Variants in SYNDIG1 observed in about 807,000 individuals in gnomAD.
SYNDIG1 encodes synapse differentiation-inducing gene protein 1.
In SYNDIG1, 9 loss-of-function variants were observed where a neutral mutation model predicts 19.4. The ratio of observed to expected loss-of-function variants is 0.46; its 90% CI spans 0.28 to 0.81. The LOEUF (loss-of-function observed/expected upper bound fraction) is 0.81, where lower values mean the gene tolerates loss of function less well. Ranked by LOEUF, SYNDIG1 falls within the 30% of genes least tolerant of loss-of-function variation. The pLI is 0.12. For synonymous variants in SYNDIG1, 141 were observed against 145.9 expected, an observed-to-expected ratio of 0.97 and a Z score of 0.24; for missense variants, 311 against 343.3, an observed-to-expected ratio of 0.91 and a Z score of 0.74.
In SYNDIG1 at chr20:24,665,529, A is replaced by G; in HGVS notation, c.*25A>G. ...AGCTTCCTGCGAATGGAGGGGGAGC[A>G]CCCGGGGCCAGGTCTGTGTGGACGT... On this transcript the variant is annotated 3_prime_UTR_variant, in exon 4 of 4. Transcript: ENST00000376862. The G allele has an allele frequency of 6.2e-7, 1 of 1,613,680 alleles. No homozygotes were observed. The highest frequency in any genetic ancestry group is 8.5e-7 in the Non-Finnish European group (1 of 1,179,920).
intron 3 of SYNDIG1, among the ~76,000 whole-genome samples, chr20:24,611,948 C>T (rs994716100): frequency 6.6e-6 from 1 of 152,230 alleles, no homozygotes; most frequent in Non-Finnish European, 1.5e-5. Context: ...CCTGTAATTG[C>T]ATGTCTTAAT....
intron 2 of SYNDIG1, among the ~76,000 whole-genome samples, chr20:24,546,284 A>T (rs1325334603): frequency 6.6e-6 from 1 of 152,222 alleles, no homozygotes; most frequent in Non-Finnish European, 1.5e-5. Flanking sequence ...TGTTTTCTCC[A>T]TTCCATTAAA....
intron 1 of SYNDIG1, among the ~76,000 whole-genome samples, chr20:24,479,700 A>C (rs910736566): frequency 5.9e-5 from 9 of 152,006 alleles, no homozygotes; most frequent in Non-Finnish European, 1.2e-4. Flanking sequence ...TCATCTCAGT[A>C]CCGTCCTGCA....
At chr20:24,478,235 A>T (rs1389950341) in intron 1 of SYNDIG1, among the ~76,000 whole-genome samples, 1 of 152,250 alleles carries the variant, frequency 6.6e-6, no homozygotes, top group Non-Finnish European at 1.5e-5. Context: ...ACCAGCTTCA[A>T]CCATTGGTGC....
At chr20:24,570,267 G>A (rs1377884331) in intron 2 of SYNDIG1, among the ~76,000 whole-genome samples, 2 of 152,048 alleles carry the variant, frequency 1.3e-5, no homozygotes, top group Admixed American at 1.3e-4. Context: ...TATGACATCA[G>A]AAAAACAATC....
intron 2 of SYNDIG1, among the ~76,000 whole-genome samples, chr20:24,555,464 A>C: frequency 6.6e-6 from 1 of 151,664 alleles, no homozygotes; most frequent in South Asian, 2.1e-4. Context: ...TTCCCTCTAC[A>C]CAGTGCTTTG....
chr20:24,507,334 G>A (rs1354825761), intron 1 of SYNDIG1, among the ~76,000 whole-genome samples: 1 of 152,248 alleles, frequency 6.6e-6, no homozygotes, highest in African/African-American at 2.4e-5. Flanking sequence ...CCGGGCACCA[G>A]GAATGCCTGA....
intron 1 of SYNDIG1, among the ~76,000 whole-genome samples, chr20:24,470,534 C>T (rs1362719794): frequency 1.3e-5 from 2 of 152,170 alleles, no homozygotes; most frequent in African/African-American, 2.4e-5. Context: ...ATTTGAATCT[C>T]GCTTTTTCCT....
At chr20:24,501,861 C>T (rs1380801519) in intron 1 of SYNDIG1, among the ~76,000 whole-genome samples, 1 of 152,186 alleles carries the variant, frequency 6.6e-6, no homozygotes, top group Non-Finnish European at 1.5e-5. Flanking sequence ...ACCCACTGGG[C>T]ACTCACCTCT....
intron 1 of SYNDIG1, among the ~76,000 whole-genome samples, chr20:24,478,935 C>T (rs1388500718): frequency 6.6e-6 from 1 of 152,230 alleles, no homozygotes; most frequent in Non-Finnish European, 1.5e-5. Flanking sequence ...GACTGTCAGA[C>T]CTCGTGGGCA....
chr20:24,576,552 C>T (rs1600665719), intron 2 of SYNDIG1, among the ~76,000 whole-genome samples: 2 of 152,304 alleles, frequency 1.3e-5, no homozygotes, highest in African/African-American at 4.8e-5. Context: ...GCTCTGAGAT[C>T]TGCTTTGCCC....
intron 1 of SYNDIG1, among the ~76,000 whole-genome samples, chr20:24,505,241 T>C (rs1412068383): frequency 2.6e-5 from 4 of 152,098 alleles, no homozygotes; most frequent in African/African-American, 9.6e-5. Flanking sequence ...TGAGAAGTCA[T>C]TGGGAAGCAG....
chr20:24,650,935 A>T (rs2059466293), intron 3 of SYNDIG1, among the ~76,000 whole-genome samples: 1 of 152,102 alleles, frequency 6.6e-6, no homozygotes, highest in Non-Finnish European at 1.5e-5. Context: ...TCCAGGGCTC[A>T]AGCAATTCTC....
At chr20:24,576,677 AC>A (rs1490215272) in intron 2 of SYNDIG1, among the ~76,000 whole-genome samples, 1 of 151,554 alleles carries the variant, frequency 6.6e-6, no homozygotes, top group Non-Finnish European at 1.5e-5. Flanking sequence ...AGTAATGACC[AC>A]CCCCGTCCCT....
chr20:24,517,241 G>A (rs576941628), intron 1 of SYNDIG1, among the ~76,000 whole-genome samples: 1 of 151,714 alleles, frequency 6.6e-6, no homozygotes, highest in East Asian at 1.9e-4. Flanking sequence ...CATGGCACAT[G>A]TGTACATATG....
At chr20:24,526,291 A>T (rs2057122297) in intron 1 of SYNDIG1, among the ~76,000 whole-genome samples, 1 of 151,090 alleles carries the variant, frequency 6.6e-6, no homozygotes. Flanking sequence ...TTTATGTTTC[A>T]TTTTTTTCTT....
chr20:24,573,145 G>C (rs1372911023), intron 2 of SYNDIG1, among the ~76,000 whole-genome samples: 2 of 152,196 alleles, frequency 1.3e-5, no homozygotes, highest in African/African-American at 4.8e-5. Context: ...TGGCGCAAGT[G>C]AGAATTACCA....
At chr20:24,580,502 C>T (rs1030403103) in intron 2 of SYNDIG1, among the ~76,000 whole-genome samples, 4 of 152,144 alleles carry the variant, frequency 2.6e-5, no homozygotes, top group African/African-American at 9.7e-5. Context: ...CCTCCACTCC[C>T]TGGGTTCAAG....
intron 2 of SYNDIG1, among the ~76,000 whole-genome samples, chr20:24,579,366 C>T (rs2058284629): frequency 6.6e-6 from 1 of 152,196 alleles, no homozygotes; most frequent in Admixed American, 6.5e-5. Flanking sequence ...CTAATAGTGG[C>T]AGAATGTGCT....
Sources: allele counts gnomAD v4.1 joint callset (sites outside exome capture counted in the v4.1 genomes callset), GRCh38; gene constraint gnomAD v4.1.1; transcripts MANE v1.5; gene names NCBI Gene and HGNC (gene_info 2026-07-23, HGNC 2026-07-21).